Variants in TSPAN7 observed in about 807,000 individuals in gnomAD.
TSPAN7 encodes the protein tetraspanin-7.
In TSPAN7, 1 loss-of-function variant was observed where a neutral mutation model predicts 17.6. That is an observed-to-expected ratio of 0.06 (90% CI 0.02 to 0.27). The LOEUF is 0.27. Among genes scored for constraint, TSPAN7 ranks in the 10% least tolerant of loss-of-function variants. TSPAN7 has a pLI of 1.00. For synonymous variants in TSPAN7, 78 were observed against 79.0 expected, an observed-to-expected ratio of 0.99 and a Z score of 0.07; for missense variants, 112 against 201.7, an observed-to-expected ratio of 0.56 and a Z score of 2.69.
intron 6 of TSPAN7, among the ~76,000 whole-genome samples, chrX:38,683,452 C>A (rs1309985152): frequency 8.9e-6 from 1 of 112,930 alleles, no homozygotes; most frequent in African/African-American, 3.2e-5. Context: ...GGAACCCCAA[C>A]TCTGAAACTC....
At chrX:38,609,119 A>G (rs1256232456) in intron 1 of TSPAN7, among the ~76,000 whole-genome samples, 2 of 112,105 alleles carry the variant, frequency 1.8e-5, no homozygotes, top group African/African-American at 6.5e-5. Flanking sequence ...CTGTTTACAC[A>G]CTCTCTCAGC....
rs753475356 is a variant in TSPAN7, at chrX:38,681,137, G to C, written c.598-67G>C. The stretch of plus-strand genomic sequence containing the variant: ...TTGAAGTGTATGTTGGGAGTGTTTC[G>C]AGTACACATAGCCCAGCTTGGCCTG... On this transcript the variant is annotated intron_variant, in intron 5 of 7. Transcript: ENST00000378482. 6 of 904,613 alleles carry C rather than the reference G, an allele frequency of 6.6e-6. No individual in the cohort carries two copies. In the Admixed American group the frequency reaches 8.8e-5, roughly 13 times the overall value. The allele number at this position is 904,613 out of a possible 1,213,427, so 74.6% of individuals were successfully genotyped here. A position where few individuals can be genotyped will look rare whatever the true frequency, so the allele number is the denominator to read the frequency against.
intron 1 of TSPAN7, among the ~76,000 whole-genome samples, chrX:38,640,624 G>A (rs1223948520): frequency 8.9e-6 from 1 of 112,364 alleles, no homozygotes; most frequent in Non-Finnish European, 1.9e-5. Context: ...TGCCAAAGCT[G>A]ACTTGATTAA....
chrX:38,642,809 C>T (rs190043965), intron 1 of TSPAN7, among the ~76,000 whole-genome samples: 1 of 111,458 alleles, frequency 9.0e-6, no homozygotes, highest in East Asian at 2.8e-4. Context: ...CTCCTTACCT[C>T]CATTTCCTCA....
At chrX:38,662,715 T>C (rs2069754555) in intron 1 of TSPAN7, among the ~76,000 whole-genome samples, 1 of 111,161 alleles carries the variant, frequency 9.0e-6, no homozygotes, top group Non-Finnish European at 1.9e-5. Context: ...TGGAACCATA[T>C]AGAGTGGAGT....
chrX:38,606,200 C>T lies in TSPAN7; in HGVS notation c.81+44573C>T, dbSNP rs1236519619. Among the ~76,000 whole-genome samples, 3 of 109,174 alleles carry T rather than the reference C, an allele frequency of 2.7e-5. No individual in the cohort carries two copies. In the Admixed American group the frequency reaches 2.9e-4, roughly 11 times the overall value. 94.8% of individuals were successfully genotyped at this position (109,174 alleles called of 115,157 possible). ...TAATATCCAGAATCTACAATGAACT[C>T]CAACAAATTTACAAGAAAAAAACAA... On this transcript the variant is annotated intron_variant, in intron 1 of 7. Transcript: ENST00000378482.
chrX:38,672,148 G>T (rs1318386989), intron 3 of TSPAN7, among the ~76,000 whole-genome samples: 1 of 110,721 alleles, frequency 9.0e-6, no homozygotes, highest in Non-Finnish European at 1.9e-5. Flanking sequence ...TAATTGTCTT[G>T]CTGCCTCAAA....
intron 1 of TSPAN7, among the ~76,000 whole-genome samples, chrX:38,648,272 ATAACATTTTTTCACTTATTCTTTTTCT>A (rs1169239156): frequency 8.9e-6 from 1 of 112,085 alleles, no homozygotes. Flanking sequence ...TGATTATATA[ATAACATTTTTTCACTTATTCTTTTTCT>A]GCTTGTGTTT....
At chrX:38,633,734 T>C (rs751466456) in intron 1 of TSPAN7, among the ~76,000 whole-genome samples, 3 of 112,471 alleles carry the variant, frequency 2.7e-5, no homozygotes, top group Non-Finnish European at 3.8e-5. Context: ...ATTAGTGTCA[T>C]TTGGTTTCTT....
intron 1 of TSPAN7, among the ~76,000 whole-genome samples, chrX:38,574,554 G>A (rs967618160): frequency 7.8e-4 from 87 of 111,265 alleles, no homozygotes; most frequent in African/African-American, 2.6e-3. Flanking sequence ...TCCTATCTTG[G>A]GTCATAAAAT....
chrX:38,683,784 C>G (rs1442686617), intron 6 of TSPAN7, among the ~76,000 whole-genome samples: 1 of 113,280 alleles, frequency 8.8e-6, no homozygotes, highest in Non-Finnish European at 1.9e-5. Flanking sequence ...TACCAGATGC[C>G]TGTTCACAAA....
chrX:38,624,481 A>G (rs1255590879), intron 1 of TSPAN7, among the ~76,000 whole-genome samples: 1 of 112,166 alleles, frequency 8.9e-6, no homozygotes, highest in Non-Finnish European at 1.9e-5. Flanking sequence ...TCTGTTTTTT[A>G]ACTAATGAAT....
intron 1 of TSPAN7, among the ~76,000 whole-genome samples, chrX:38,614,992 C>CT (rs5902195): frequency 0.03 from 3,184 of 104,462 alleles, 115 homozygotes; most frequent in African/African-American, 0.1. Context: ...CAGATTTATT[C>CT]TTTTTTTTTT....
chrX:38,624,355 C>T (rs1384820058), intron 1 of TSPAN7, among the ~76,000 whole-genome samples: 1 of 112,255 alleles, frequency 8.9e-6, no homozygotes, highest in Admixed American at 9.4e-5. Context: ...GTTCTGACCA[C>T]ACACATCTCT....
At chrX:38,613,984 T>C (rs868666650) in intron 1 of TSPAN7, among the ~76,000 whole-genome samples, 1 of 108,448 alleles carries the variant, frequency 9.2e-6, no homozygotes, top group African/African-American at 3.4e-5. Context: ...TTTTTTTTTT[T>C]CTTTTTTTTT....
intron 1 of TSPAN7, among the ~76,000 whole-genome samples, chrX:38,657,571 C>G (rs1057214349): frequency 7.2e-5 from 8 of 111,799 alleles, no homozygotes; most frequent in East Asian, 2.8e-4. Flanking sequence ...TCTGAGCTAA[C>G]AGTTGAATTT....
chrX:38,608,202 A>C (rs1373109344), intron 1 of TSPAN7: 1 of 108,766 alleles, frequency 9.2e-6, no homozygotes, highest in East Asian at 2.8e-4. Context: ...TGCCGTTTAA[A>C]GATAAAAAAA....
intron 6 of TSPAN7, among the ~76,000 whole-genome samples, chrX:38,685,892 A>T (rs927285105): frequency 8.9e-6 from 1 of 111,818 alleles, no homozygotes; most frequent in African/African-American, 3.3e-5. Context: ...TCTCCAACAG[A>T]TACTAAGGGA....
chrX:38,646,398 C>T, intron 1 of TSPAN7: 1 of 907,006 alleles, frequency 1.1e-6, no homozygotes, highest in Non-Finnish European at 1.5e-6. Context: ...TTTGTTTTTA[C>T]TCTCCCTGAA....
Sources: gnomAD v4.1 joint callset for allele counts (sites outside exome capture counted in the v4.1 genomes callset) on GRCh38, gnomAD v4.1.1 for gene constraint, MANE v1.5 for transcripts, NCBI Gene and HGNC (gene_info 2026-07-23, HGNC 2026-07-21) for gene names.